Variants in PRELID2 observed in about 807,000 individuals in gnomAD.
The protein encoded by PRELID2 is PRELI domain containing 2.
PRELID2 carries 25 observed loss-of-function variants against 28.4 expected under a neutral mutation model. The ratio of observed to expected loss-of-function variants is 0.88; its 90% confidence interval spans 0.64 to 1.23. The LOEUF (loss-of-function observed/expected upper bound fraction) is 1.23. Ranked by LOEUF, PRELID2 falls within the 50% of genes most tolerant of loss-of-function variation. The probability of loss-of-function intolerance (pLI) is 0.00; values close to 1 mark genes in which losing one functional copy is unlikely to be tolerated. For missense variants in PRELID2, 201 were observed against 214.4 expected (o/e 0.94, Z 0.39); for synonymous variants, 76 against 71.6 (o/e 1.06, Z -0.31).
intron 5 of PRELID2, among the ~76,000 whole-genome samples, chr5:145,773,934 G>A (rs765146100): frequency 2.2e-4 from 33 of 152,112 alleles, no homozygotes; most frequent in Admixed American, 1.1e-3. Context: ...CTTTTATCTT[G>A]TATCTCTACC....
At chr5:145,412,214 G>A in the PRELID2 span, among the ~76,000 whole-genome samples, 1 of 152,126 alleles carries the variant, frequency 6.6e-6, no homozygotes, top group South Asian at 2.1e-4. Flanking sequence ...CCAAAAATGG[G>A]TTTTTCTTTT....
intron 1 of PRELID2, among the ~76,000 whole-genome samples, chr5:145,694,495 A>G (rs1256704934): frequency 6.6e-6 from 1 of 152,210 alleles, no homozygotes; most frequent in African/African-American, 2.4e-5. Flanking sequence ...AAAGATGTAT[A>G]ATGTATTACA....
chr5:145,301,163 T>C, the PRELID2 span, among the ~76,000 whole-genome samples: 2 of 152,234 alleles, frequency 1.3e-5, no homozygotes, highest in Non-Finnish European at 2.9e-5. Context: ...TTTAGTGCTG[T>C]CAAATTTTTT....
chr5:145,672,997 T>C (rs17103601), intron 1 of PRELID2, among the ~76,000 whole-genome samples: 11,531 of 152,186 alleles, frequency 0.076, 638 homozygotes, highest in Admixed American at 0.19. Context: ...GCACCTATGT[T>C]CTGATTCTAT....
the PRELID2 span, among the ~76,000 whole-genome samples, chr5:145,451,950 C>G: frequency 6.6e-6 from 1 of 152,134 alleles, no homozygotes; most frequent in African/African-American, 2.4e-5. Flanking sequence ...AAAAGCCATC[C>G]CCAGATTGGA....
intron 1 of PRELID2, among the ~76,000 whole-genome samples, chr5:145,741,975 TTTAA>T (rs1293406535): frequency 2.8e-5 from 1 of 35,656 alleles, no homozygotes; most frequent in Non-Finnish European, 6.5e-5. Flanking sequence ...AATAAATTTA[TTTAA>T]TTATAATAAA....
At chr5:145,280,891 C>G in the PRELID2 span, among the ~76,000 whole-genome samples, 2 of 151,528 alleles carry the variant, frequency 1.3e-5, no homozygotes, top group Non-Finnish European at 2.9e-5. Flanking sequence ...CAAATGACAG[C>G]AACCCAAAAC....
chr5:145,730,048 A>G (rs1756293746), intron 1 of PRELID2, among the ~76,000 whole-genome samples: 1 of 152,170 alleles, frequency 6.6e-6, no homozygotes, highest in Admixed American at 6.6e-5. Flanking sequence ...GAGGGCTAGA[A>G]GCAAGGAGCC....
the PRELID2 span, among the ~76,000 whole-genome samples, chr5:145,444,667 C>T: frequency 6.6e-6 from 1 of 151,920 alleles, no homozygotes; most frequent in East Asian, 1.9e-4. Context: ...GAATAAAACT[C>T]AAAGACACAC....
intron 1 of PRELID2, among the ~76,000 whole-genome samples, chr5:145,605,083 G>A (rs547934232): frequency 4.8e-4 from 73 of 151,506 alleles, no homozygotes; most frequent in African/African-American, 1.8e-3. Context: ...ACCTTTGTTA[G>A]GTGCATAGTT....
At chr5:145,523,569 G>A (rs1752581661) in intron 1 of PRELID2, among the ~76,000 whole-genome samples, 2 of 152,096 alleles carry the variant, frequency 1.3e-5, no homozygotes, top group African/African-American at 4.8e-5. Context: ...TTCTTAGCTG[G>A]TAGGTGGCCA....
intron 1 of PRELID2, among the ~76,000 whole-genome samples, chr5:145,488,300 T>C (rs1752238780): frequency 6.6e-6 from 1 of 152,128 alleles, no homozygotes. Flanking sequence ...AGAATTAAGA[T>C]TATCAGATAC....
the PRELID2 span, among the ~76,000 whole-genome samples, chr5:145,357,254 C>T: frequency 6.6e-6 from 1 of 152,140 alleles, no homozygotes; most frequent in Admixed American, 6.5e-5. Flanking sequence ...CAGAGGTTCT[C>T]TGCATTTCCT....
intron 1 of PRELID2, among the ~76,000 whole-genome samples, chr5:145,674,326 A>T (rs1469672679): frequency 6.9e-6 from 1 of 144,030 alleles, no homozygotes; most frequent in Non-Finnish European, 1.5e-5. Context: ...CTACCCCATG[A>T]CAGGCCCGGG....
chr5:145,514,336 A>T (rs998767533), intron 1 of PRELID2, among the ~76,000 whole-genome samples: 3 of 151,192 alleles, frequency 2.0e-5, no homozygotes, highest in Non-Finnish European at 3.0e-5. Flanking sequence ...AAAAAAAAGC[A>T]TGGGTTGCAA....
chr5:145,343,990 A>C, the PRELID2 span, among the ~76,000 whole-genome samples: 1 of 151,926 alleles, frequency 6.6e-6, no homozygotes, highest in East Asian at 1.9e-4. Context: ...AATAGACATA[A>C]TGAGTAGCAA....
intron 1 of PRELID2, among the ~76,000 whole-genome samples, chr5:145,583,804 G>A (rs1580984625): frequency 6.6e-6 from 1 of 151,936 alleles, no homozygotes; most frequent in Admixed American, 6.6e-5. Context: ...ACAAACATAT[G>A]GAAAAACATT....
intron 1 of PRELID2, among the ~76,000 whole-genome samples, chr5:145,574,904 T>A (rs1753047697): frequency 6.6e-6 from 1 of 152,238 alleles, no homozygotes; most frequent in African/African-American, 2.4e-5. Context: ...AAAAGATGTG[T>A]ACATGTTCAG....
chr5:145,512,252 C>T (rs138025320), intron 1 of PRELID2, among the ~76,000 whole-genome samples: 2 of 152,226 alleles, frequency 1.3e-5, no homozygotes, highest in African/African-American at 4.8e-5. Flanking sequence ...ACTGAGGTAC[C>T]CAGTTAATCT....
Sources: gnomAD v4.1 joint callset for allele counts (sites outside exome capture counted in the v4.1 genomes callset) on GRCh38, gnomAD v4.1.1 for gene constraint, MANE v1.5 for transcripts, NCBI Gene and HGNC (gene_info 2026-07-23, HGNC 2026-07-21) for gene names.